The following FBXO25 variants were observed in gnomAD, a reference collection of about 807,000 sequenced individuals.
The protein encoded by FBXO25 is F-box only protein 25.
FBXO25 carries 45 observed loss-of-function variants against 51.9 expected under a neutral mutation model. The ratio of observed to expected loss-of-function variants is 0.87; its 90% CI spans 0.68 to 1.11. The LOEUF (loss-of-function observed/expected upper bound fraction) is 1.11. Among genes scored for constraint, FBXO25 ranks in the 50% most tolerant of loss-of-function variants. The pLI, the probability that FBXO25 is intolerant of heterozygous loss-of-function variation, is 0.00. For missense variants in FBXO25, 507 were observed against 428.5 expected, an observed-to-expected ratio of 1.18 and a Z score of -1.62; for synonymous variants, 199 against 151.0, an observed-to-expected ratio of 1.32 and a Z score of -2.33.
rs1312301264 is a variant in FBXO25 at position 413,176 on chromosome 8, G to C, written c.97G>C (p.Glu33Gln). 4 of 1,609,446 alleles carry C rather than the reference G, an allele frequency of 2.5e-6. No individual in the cohort carries two copies. The highest frequency in any genetic ancestry group is 3.4e-6 in the Non-Finnish European group (4 of 1,178,332). The change falls in exon 2 of 10, where the codon GAA becomes CAA. Residue 33 changes from glutamate (E) to glutamine (Q), a missense_variant. Coordinates refer to ENST00000350302, the MANE Select transcript of FBXO25 (RefSeq NM_183420.2). ...KRCESCSQKL[E>Q]RENNRCNISH... Reference sequence around the variant, plus strand: ...ATGTGAATCTTGTAGTCAGAAACTTGAAAGAGAGAATAACCGTTGTAACAT... The same window carrying C: ...ATGTGAATCTTGTAGTCAGAAACTTCAAAGAGAGAATAACCGTTGTAACAT...
chr8:418,343 T>TTTTC (rs1414591204), intron 2 of FBXO25, among the ~76,000 whole-genome samples: 29 of 132,940 alleles, frequency 2.2e-4, no homozygotes, highest in African/African-American at 8.2e-4. Context: ...CTTTTTTTTT[T>TTTTC]TTTTTTTTTT....
rs922852641 is a variant in FBXO25, at chr8:469,568, A to G, written c.*764A>G. ...ACAAAGTAATAAATCATGTTTATCT[A>G]TTGATTTAAACTTCATCAGTTTTGC... On this transcript the variant is annotated 3_prime_UTR_variant, in exon 10 of 10. Coordinates refer to ENST00000350302, the MANE Select transcript of FBXO25 (RefSeq NM_183420.2). 1 of 152,244 alleles carries G rather than the reference A, an allele frequency of 6.6e-6. No individual in the cohort carries two copies. Among genetic ancestry groups the G allele is most frequent in the Non-Finnish European group, 1.5e-5 (1 of 68,040 alleles). 9.4% of individuals were successfully genotyped at this position (152,244 alleles called of 1,614,324 possible). A position where few individuals can be genotyped will look rare whatever the true frequency, so the allele number is the denominator to read the frequency against.
chr8:454,966 C>T (rs915359684), intron 7 of FBXO25, among the ~76,000 whole-genome samples: 2 of 150,906 alleles, frequency 1.3e-5, no homozygotes, highest in African/African-American at 2.5e-5. Flanking sequence ...CAGTGCTTAA[C>T]AACTGGCTCT....
chr8:409,951 C>T (rs1457653472), intron 1 of FBXO25, among the ~76,000 whole-genome samples: 8 of 152,054 alleles, frequency 5.3e-5, no homozygotes, highest in Non-Finnish European at 8.8e-5. Flanking sequence ...CCATTTTATC[C>T]CATCTTTTCT....
At chr8:454,352 A>C (rs140661987) in intron 7 of FBXO25, among the ~76,000 whole-genome samples, 1 of 152,356 alleles carries the variant, frequency 6.6e-6, no homozygotes, top group African/African-American at 2.4e-5. Flanking sequence ...GAGCAGGCAC[A>C]CAGGTATGTG....
intron 2 of FBXO25, chr8:420,269 C>T (rs1361109017): frequency 1.3e-5 from 2 of 152,166 alleles, no homozygotes; most frequent in Admixed American, 1.3e-4. Context: ...GATGAAAGAA[C>T]AATCACGAAG....
intron 2 of FBXO25, among the ~76,000 whole-genome samples, chr8:421,604 T>A (rs1797161922): frequency 6.6e-6 from 1 of 152,098 alleles, no homozygotes. Context: ...GGGCTGTTGG[T>A]TTTTTCAGAG....
At chr8:459,794 AC>A (rs964781144) in intron 8 of FBXO25, among the ~76,000 whole-genome samples, 16 of 152,128 alleles carry the variant, frequency 1.1e-4, no homozygotes, top group Non-Finnish European at 2.9e-5. Flanking sequence ...CAGGGCACCA[AC>A]CCCAATGTTG....
Position 477,007 on chromosome 8 carries a change from C to G in FBXO25, c.*8203C>G, listed in dbSNP as rs1035666329. On this transcript the variant is annotated 3_prime_UTR_variant, in exon 10 of 10. Transcript: ENST00000350302. Reference sequence around the variant, plus strand: ...TGTATATTACATTTTTCATTTACCACAAGATATTTTCTAATTTCCCTTGTG... The same window carrying G: ...TGTATATTACATTTTTCATTTACCAGAAGATATTTTCTAATTTCCCTTGTG... The G allele has an allele frequency of 2.0e-5, 3 of 151,354 alleles. No individual in the cohort carries two copies. Among genetic ancestry groups the G allele is most frequent in the African/African-American group, 7.3e-5 (3 of 40,892 alleles). The allele number at this position is 151,354 out of a possible 1,614,324, so 9.4% of individuals were successfully genotyped here. A position where few individuals can be genotyped will look rare whatever the true frequency, so the allele number is the denominator to read the frequency against.
chr8:446,511 G>A (rs1293100440), intron 5 of FBXO25, among the ~76,000 whole-genome samples: 2 of 152,150 alleles, frequency 1.3e-5, no homozygotes, highest in South Asian at 2.1e-4. Flanking sequence ...GCATCCGCCA[G>A]TCCAGCTATT....
At chr8:463,892 C>T (rs1383518770) in intron 9 of FBXO25, among the ~76,000 whole-genome samples, 1 of 152,158 alleles carries the variant, frequency 6.6e-6, no homozygotes, top group African/African-American at 2.4e-5. Context: ...CGGCTCACTG[C>T]AGCCTCTACC....
chr8:447,231 G>A (rs66680601), intron 5 of FBXO25, among the ~76,000 whole-genome samples: 20,405 of 152,152 alleles, frequency 0.13, 2,019 homozygotes, highest in African/African-American at 0.28. Context: ...GACATGGGCT[G>A]TGGGGTCTCC....
chr8:458,324 C>T, intron 7 of FBXO25, 45 bp from the exon 8 acceptor site: 1 of 1,589,086 alleles, frequency 6.3e-7, no homozygotes, highest in Non-Finnish European at 8.6e-7. Flanking sequence ...TGTGAACAAA[C>T]ATTGGCCATC....
intron 2 of FBXO25, among the ~76,000 whole-genome samples, chr8:423,580 A>C (rs751285070): frequency 5.3e-5 from 8 of 152,176 alleles, no homozygotes; most frequent in Non-Finnish European, 8.8e-5. Flanking sequence ...TTTGCTTAGA[A>C]TTAAGTCAAG....
rs1412234745 is a variant in FBXO25 at position 471,826 on chromosome 8, G to A, written c.*3022G>A. On this transcript the variant is annotated 3_prime_UTR_variant, in exon 10 of 10. Coordinates refer to ENST00000350302, the MANE Select transcript of FBXO25 (RefSeq NM_183420.2). Reference sequence around the variant, plus strand: ...TGCATGACGTACAGGCTCTCTGTATGCACTGTGTGTGCGTACTGTACAGGG... The same window carrying A: ...TGCATGACGTACAGGCTCTCTGTATACACTGTGTGTGCGTACTGTACAGGG... 3 of 152,230 alleles carry A rather than the reference G, an allele frequency of 2.0e-5. No individual in the cohort carries two copies. The highest frequency in any genetic ancestry group is 7.2e-5 in the African/African-American group (3 of 41,464). The allele number at this position is 152,230 out of a possible 1,614,324, so 9.4% of individuals were successfully genotyped here. A position where few individuals can be genotyped will look rare whatever the true frequency, so the allele number is the denominator to read the frequency against.
intron 9 of FBXO25, among the ~76,000 whole-genome samples, chr8:465,897 G>GA (rs1800124401): frequency 6.6e-6 from 1 of 152,084 alleles, no homozygotes; most frequent in Admixed American, 6.5e-5. Context: ...CCTTCCAAAA[G>GA]AATTTGCTTT....
chr8:452,555 G>A (rs114061099), intron 7 of FBXO25, among the ~76,000 whole-genome samples: 6 of 152,334 alleles, frequency 3.9e-5, no homozygotes, highest in African/African-American at 1.4e-4. Flanking sequence ...GCAGATCCGT[G>A]GTAGTGATGT....
chr8:422,100 G>A (rs964345848), intron 2 of FBXO25, among the ~76,000 whole-genome samples: 1 of 152,194 alleles, frequency 6.6e-6, no homozygotes, highest in African/African-American at 2.4e-5. Context: ...GATGCAGCAA[G>A]GTGAAATCTA....
In FBXO25 at chr8:476,815, T is replaced by TA. The variant is rs1415613836; in HGVS notation, c.*8012dup. The TA allele has an allele frequency of 4.9e-5, 7 of 142,672 alleles. No homozygotes were observed. The highest frequency in any genetic ancestry group is 1.4e-4 in the African/African-American group (5 of 34,632). The allele number at this position is 142,672 out of a possible 1,614,324, so 8.8% of individuals were successfully genotyped here. A position where few individuals can be genotyped will look rare whatever the true frequency, so the allele number is the denominator to read the frequency against. On this transcript the variant is annotated 3_prime_UTR_variant, in exon 10 of 10. Transcript: ENST00000350302. ...ATTTTGTCTCTGCTCTAATCTTTAT[T>TA]ATTATTATAATCATCTCCATTCTGC...
Sources: allele counts gnomAD v4.1 joint callset (sites outside exome capture counted in the v4.1 genomes callset), GRCh38; gene constraint gnomAD v4.1.1; transcripts MANE v1.5; gene names NCBI Gene and HGNC (gene_info 2026-07-23, HGNC 2026-07-21).